Variants in PKHD1L1 observed in about 807,000 individuals in gnomAD.
The protein encoded by PKHD1L1 is PKHD1 like 1, also known as fibrocystin-L.
Under a neutral mutation model 462.9 loss-of-function variants are expected in PKHD1L1, and 434 were observed. The ratio of observed to expected loss-of-function variants is 0.94; its 90% CI spans 0.87 to 1.02. The LOEUF (loss-of-function observed/expected upper bound fraction) is 1.02, where lower values mean the gene tolerates loss of function less well. PKHD1L1 is among the 50% of genes least tolerant of loss of function. The pLI is 0.00. For synonymous variants in PKHD1L1, 1,781 were observed against 1,750.0 expected (o/e 1.02, Z -0.44); for missense variants, 5,202 against 5,096.1 (o/e 1.02, Z -0.63).
Position 109,515,167 on chromosome 8 carries a change from T to C in PKHD1L1, c.11554-3T>C, listed in dbSNP as rs767434799. 2 of 1,565,844 alleles carry C rather than the reference T, an allele frequency of 1.3e-6. No individual in the cohort carries two copies. The highest frequency in any genetic ancestry group is 1.2e-5 in the South Asian group (1 of 83,700). On this transcript the variant is annotated splice_polypyrimidine_tract_variant and splice_region_variant and intron_variant, in intron 71 of 77. Coordinates refer to ENST00000378402, the MANE Select transcript of PKHD1L1 (RefSeq NM_177531.6). ...TTTCTTAAAACTTTTTTTTCTTTAA[T>C]AGGCTGTTCTAGTAGGAATTTTCTT...
chr8:109,398,340 T>C, intron 11 of PKHD1L1, 119 bp from the exon 12 acceptor site: 4 of 647,708 alleles, frequency 6.2e-6, no homozygotes, highest in Non-Finnish European at 8.5e-6. Context: ...TAAAGAGCCC[T>C]AATTTTGCCT....
intron 8 of PKHD1L1, among the ~76,000 whole-genome samples, chr8:109,389,715 A>G (rs1012202984): frequency 1.3e-4 from 20 of 152,038 alleles, no homozygotes; most frequent in Admixed American, 1.1e-3. Context: ...TTTAGTAGAG[A>G]TGGGGTTTTG....
chr8:109,446,853 C>T (rs905565904), intron 38 of PKHD1L1, among the ~76,000 whole-genome samples: 2 of 152,054 alleles, frequency 1.3e-5, no homozygotes, highest in Admixed American at 6.5e-5. Context: ...CTGAGAACAA[C>T]GCTGTTCCAT....
intron 72 of PKHD1L1, among the ~76,000 whole-genome samples, chr8:109,517,558 ACT>A (rs1254980129): frequency 6.6e-6 from 1 of 152,114 alleles, no homozygotes; most frequent in Admixed American, 6.6e-5. Context: ...GATCTCAATC[ACT>A]TTTGTAAAAT....
rs1382518643 is a variant in PKHD1L1 at position 109,442,190 on chromosome 8, C to A, written c.4388C>A (p.Thr1463Lys). The change falls in exon 35 of 78, where the codon ACA becomes AAA. Residue 1463 changes from threonine (T) to lysine (K), a missense_variant. By Grantham distance (78) the Thr-to-Lys change is moderately conservative. Transcript: ENST00000378402. ...TTCACAAGTGGAAGACAAAAATCTA[C>A]ATCAGGTATGTTTCTGCTTATTGGG... Reference protein sequence around the residue: ...KGFTSGRQKSTSGSFSYQFTS... With the variant: ...KGFTSGRQKSKSGSFSYQFTS... The A allele has an allele frequency of 1.2e-6, 2 of 1,608,534 alleles. No homozygotes were observed. The highest frequency in any genetic ancestry group is 1.7e-6 in the Non-Finnish European group (2 of 1,177,762).
Position 109,448,364 on chromosome 8 carries a change from A to C in PKHD1L1, c.5998A>C (p.Asn2000His). The change falls in exon 39 of 78, where the codon AAT becomes CAT. Residue 2000 changes from asparagine (N) to histidine (H), a missense_variant. Transcript: ENST00000378402. ...CACAGTTGTATTTGAGTACCCGCTT[A>C]ATATTCAAAATATTAATCCAAGCCA... is the stretch of plus-strand genomic sequence containing the variant. ...MSTVVFEYPL[N>H]IQNINPSQGS... is the part of the protein sequence containing the mutation. The C allele has an allele frequency of 8.7e-6, 14 of 1,612,842 alleles. No individual in the cohort carries two copies. The highest frequency in any genetic ancestry group is 1.2e-5 in the Non-Finnish European group (14 of 1,179,266).
At chr8:109,481,603 A>G (rs1471241270) in intron 56 of PKHD1L1, 41 bp downstream of exon 56, 1 of 1,491,376 alleles carries the variant, frequency 6.7e-7, no homozygotes, top group Non-Finnish European at 8.9e-7. Context: ...ATCTGTTTTA[A>G]GAATCTACTT....
At chr8:109,457,527 G>A (rs1413871453) in intron 46 of PKHD1L1, among the ~76,000 whole-genome samples, 1 of 152,084 alleles carries the variant, frequency 6.6e-6, no homozygotes, top group Non-Finnish European at 1.5e-5. Flanking sequence ...CTATTTGAGA[G>A]TTTGCAAAGC....
intron 18 of PKHD1L1, among the ~76,000 whole-genome samples, chr8:109,409,135 G>A (rs1813708000): frequency 6.6e-6 from 1 of 152,154 alleles, no homozygotes; most frequent in Non-Finnish European, 1.5e-5. Flanking sequence ...TGCTTTGCTG[G>A]AGAAAATGAT....
chr8:109,371,601 T>C (rs368596290), intron 2 of PKHD1L1, among the ~76,000 whole-genome samples: 2 of 144,276 alleles, frequency 1.4e-5, no homozygotes, highest in East Asian at 2.0e-4. Flanking sequence ...CTGAATGGTA[T>C]TGCCTAGGTT....
rs753214090 is a variant in PKHD1L1 at position 109,451,102 on chromosome 8, C to T, written c.6303C>T (p.Gly2101=). ...TCACTGCAGTATCTCCTAAGAGAGG[C>T]AGTACAGCAGGGGGCACCAGACTGA... The part of the protein sequence containing the change: ...PLITAVSPKR[G]STAGGTRLTV... Residue 2101 remains glycine, a synonymous_variant, in exon 41 of 78, where the codon GGC becomes GGT. Transcript: ENST00000378402. 6.2e-7 allele frequency: 1 copy of T among 1,613,090 alleles called. No homozygotes were observed. Among genetic ancestry groups the T allele is most frequent in the Admixed American group, 1.7e-5 (1 of 59,952 alleles).
At chr8:109,522,128 T>C (rs76597258) in intron 73 of PKHD1L1, 58 bp from the exon 74 acceptor site, 1 of 1,455,000 alleles carries the variant, frequency 6.9e-7, no homozygotes, top group African/African-American at 1.4e-5. Flanking sequence ...AAAACTCTCA[T>C]GTGTTCTCAC....
rs188986754 is a variant in PKHD1L1 at position 109,376,068 on chromosome 8, C to T, written c.164-5302C>T. On this transcript the variant is annotated intron_variant, in intron 2 of 77. Transcript: ENST00000378402. ...TTTAAGTCTGCAGAGGTTACTGCTG[C>T]CTTTTGTTTGTCTGTGCCCTGCCCC... is the stretch of plus-strand genomic sequence containing the variant. 6.4e-3 allele frequency among the ~76,000 whole-genome samples: 970 copies of T among 152,358 alleles called. 7 individuals are homozygous for T. The highest frequency in any genetic ancestry group is 0.051 in the Middle Eastern group (15 of 294).
intron 21 of PKHD1L1, among the ~76,000 whole-genome samples, chr8:109,415,007 A>T (rs868798709): frequency 9.6e-4 from 104 of 107,832 alleles, no homozygotes; most frequent in African/African-American, 2.3e-3. Flanking sequence ...TATTATTATT[A>T]TTATTTTTGA....
At chr8:109,474,960 T>G (rs987044603) in intron 50 of PKHD1L1, among the ~76,000 whole-genome samples, 158 bp from the exon 51 acceptor site, 3 of 152,170 alleles carry the variant, frequency 2.0e-5, no homozygotes, top group African/African-American at 7.2e-5. Context: ...AATGCCATAT[T>G]AATCTTTTTA....
Position 109,500,673 on chromosome 8 carries a change from C to CAAAAAAAAAA in PKHD1L1, c.10828+1919_10828+1928dup, listed in dbSNP as rs34827783. Among the ~76,000 whole-genome samples the CAAAAAAAAAA allele has an allele frequency of 2.2e-3, 105 of 47,190 alleles. 1 individual carries two copies. Among genetic ancestry groups the CAAAAAAAAAA allele is most frequent in the African/African-American group, 8.0e-3 (100 of 12,426 alleles). The allele number at this position is 47,190 out of a possible 152,430, so 31.0% of individuals were successfully genotyped here. ...TGGGCAACAGAGTAAAACTCTGTCT[C>CAAAAAAAAAA]AAAAAAAAAAAAAAAAAAAAAAAAA... On this transcript the variant is annotated intron_variant, in intron 67 of 77. Transcript: ENST00000378402.
rs1301376370 is a variant in PKHD1L1, at chr8:109,385,635, T to A, written c.569+5T>A. 1.3e-6 allele frequency: 2 copies of A among 1,523,696 alleles called. No individual in the cohort carries two copies. The highest frequency in any genetic ancestry group is 1.8e-6 in the Non-Finnish European group (2 of 1,105,274). 94.4% of individuals were successfully genotyped at this position (1,523,696 alleles called of 1,614,324 possible). On this transcript the variant is annotated splice_donor_5th_base_variant and intron_variant, in intron 6 of 77. Transcript: ENST00000378402. ...GAAAAATGTTAGGATTTTGAGGTAA[T>A]CTTTTGATGTGGAAATATATTCTTA... is the stretch of plus-strand genomic sequence containing the variant.
At chr8:109,400,044 A>G (rs1409781938) in intron 12 of PKHD1L1, 32 bp from the exon 13 acceptor site, 1 of 1,575,618 alleles carries the variant, frequency 6.3e-7, no homozygotes, top group Admixed American at 1.9e-5. Flanking sequence ...TATGATCCTG[A>G]TGAAAGTCTT....
chr8:109,386,811 G>GT (rs1339684341), intron 6 of PKHD1L1, among the ~76,000 whole-genome samples: 2 of 152,036 alleles, frequency 1.3e-5, no homozygotes, highest in African/African-American at 4.8e-5. Flanking sequence ...GAAATAGAAA[G>GT]TTTAACTTTC....
Sources: gnomAD v4.1 joint callset for allele counts (sites outside exome capture counted in the v4.1 genomes callset) on GRCh38, gnomAD v4.1.1 for gene constraint, MANE v1.5 for transcripts, NCBI Gene and HGNC (gene_info 2026-07-23, HGNC 2026-07-21) for gene names.